FDXACB1: variants seen among roughly 807,000 people sequenced by gnomAD.
FDXACB1 encodes the protein ferredoxin-fold anticodon binding domain containing 1.
In FDXACB1, 41 loss-of-function variants were observed where a neutral mutation model predicts 51.7. That is an observed-to-expected ratio of 0.79 (90% CI 0.62 to 1.03). The LOEUF is 1.03. Among genes scored for constraint, FDXACB1 ranks in the 50% least tolerant of loss-of-function variants. The pLI, the probability that FDXACB1 is intolerant of heterozygous loss-of-function variation, is 0.00. For synonymous variants in FDXACB1, 273 were observed against 278.6 expected (o/e 0.98, Z 0.20); for missense variants, 697 against 746.4 (o/e 0.93, Z 0.77).
rs917160600 is a variant in FDXACB1, at chr11:111,874,216, T to G, written c.*706A>C. On this transcript the variant is annotated 3_prime_UTR_variant, in exon 5 of 5. Coordinates refer to ENST00000260257, the MANE Select transcript of FDXACB1 (RefSeq NM_138378.3). The stretch of plus-strand genomic sequence containing the variant: ...CCAAAAACTACTCTCATAAGGTGAT[T>G]TAATGAAATGATACAACAAAGTTAA... The G allele has an allele frequency of 6.6e-5, 10 of 152,286 alleles. No homozygotes were observed. The highest frequency in any genetic ancestry group is 2.4e-4 in the African/African-American group (10 of 41,556). 9.4% of individuals were successfully genotyped at this position (152,286 alleles called of 1,614,324 possible). A position where few individuals can be genotyped will look rare whatever the true frequency, so the allele number is the denominator to read the frequency against.
chr11:111,874,648 G>C lies in FDXACB1; in HGVS notation c.*274C>G, dbSNP rs1220043203. 2.3e-5 allele frequency: 7 copies of C among 307,980 alleles called. No homozygotes were observed. The highest frequency in any genetic ancestry group is 4.2e-5 in the Non-Finnish European group (7 of 167,258). 19.1% of individuals were successfully genotyped at this position (307,980 alleles called of 1,614,324 possible). On this transcript the variant is annotated 3_prime_UTR_variant, in exon 5 of 5. Transcript: ENST00000260257. ...CAGGTGCCTGTAGTCCCAGCTACTCGGGAGGCTGAGGCAGGAGAATGGCAT... is the reference window on the plus strand; with the variant it reads ...CAGGTGCCTGTAGTCCCAGCTACTCCGGAGGCTGAGGCAGGAGAATGGCAT...
In FDXACB1 at chr11:111,878,972, A is replaced by G. The variant is rs1964885877; in HGVS notation, c.161T>C (p.Leu54Pro). Reference sequence around the variant, plus strand: ...GGCGGGCTCGCTACCTCGCTCGCGCAGGCACTGCAGATTCTCCCAGGCCAG... The same window carrying G: ...GGCGGGCTCGCTACCTCGCTCGCGCGGGCACTGCAGATTCTCCCAGGCCAG... ...DPLAWENLQCLRERGIDVRFG... is the reference protein window; with the variant it reads ...DPLAWENLQCPRERGIDVRFG... The change falls in exon 1 of 5, where the codon CTG (leucine) becomes CCG (proline). Residue 54 changes from leucine (L) to proline (P), a missense_variant. Physicochemically the swap from Leu to Pro is moderately conservative, Grantham distance 98. Around this residue, in one of 3 missense-constraint regions of FDXACB1, gnomAD observed 153 missense variants for 133.5 expected, o/e 1.15. Transcript: ENST00000260257. 1.3e-6 allele frequency: 2 copies of G among 1,599,412 alleles called. No homozygotes were observed. Among genetic ancestry groups the G allele is most frequent in the South Asian group, 1.1e-5 (1 of 89,374 alleles).
intron 1 of FDXACB1, 90 bp downstream of exon 1, chr11:111,878,871 C>A (rs1268065088): frequency 1.0e-5 from 16 of 1,530,032 alleles, no homozygotes; most frequent in Non-Finnish European, 1.1e-5. Flanking sequence ...GAACAATCTC[C>A]ACGTGGGTTA....
In FDXACB1 at chr11:111,879,117, G is replaced by A; in HGVS notation, c.16C>T (p.Leu6Phe). Reference protein sequence around the residue: MAPRRLLLVGEGNFSF... With the variant: MAPRRFLLVGEGNFSF... The stretch of plus-strand genomic sequence containing the variant: ...AAATTCCCCTCCCCAACCAACAGGA[G>A]GCGCCGAGGGGCCATGGCCTCCACG... The change falls in exon 1 of 5, where the codon CTC (leucine) becomes TTC (phenylalanine). Residue 6 changes from leucine (L) to phenylalanine (F), a missense_variant. By Grantham distance (22) the Leu-to-Phe change is conservative. Around this residue, in one of 3 missense-constraint regions of FDXACB1, gnomAD observed 153 missense variants for 133.5 expected, o/e 1.15. Transcript: ENST00000260257. The A allele has an allele frequency of 6.2e-7, 1 of 1,612,348 alleles. No homozygotes were observed. The highest frequency in any genetic ancestry group is 1.1e-5 in the South Asian group (1 of 91,028).
rs782777581 is a variant in FDXACB1, at chr11:111,875,694, G to C, written c.1103C>G (p.Ser368Cys). 6 of 1,613,610 alleles carry C rather than the reference G, an allele frequency of 3.7e-6. No individual in the cohort carries two copies. Among genetic ancestry groups the C allele is most frequent in the Non-Finnish European group, 5.1e-6 (6 of 1,179,884 alleles). The change falls in exon 5 of 5, where the codon TCT becomes TGT. Residue 368 changes from serine to cysteine, a missense_variant. Coordinates refer to ENST00000260257, the MANE Select transcript of FDXACB1 (RefSeq NM_138378.3). ...GACAGGTCCACTGAGGATGTGCAGA[G>C]AACCTGAGAGGAAGTCTGGTACTTC... ...VIEVPDFLSG[S>C]LHILSGPVFQ...
Position 111,875,605 on chromosome 11 carries a change from C to A in FDXACB1, c.1192G>T (p.Gly398Trp). The change falls in exon 5 of 5, where the codon GGG becomes TGG. Residue 398 changes from glycine (G) to tryptophan (W), a missense_variant. Coordinates refer to ENST00000260257, the MANE Select transcript of FDXACB1 (RefSeq NM_138378.3). Reference protein sequence around the residue: ...PAFHETLFILGVNQNLKDGCL... With the variant: ...PAFHETLFILWVNQNLKDGCL... Reference sequence around the variant, plus strand: ...CCATCCTTCAGATTTTGATTAACCCCAAGGATAAATAAAGTTTCATGAAAT... The same window carrying A: ...CCATCCTTCAGATTTTGATTAACCCAAAGGATAAATAAAGTTTCATGAAAT... The A allele has an allele frequency of 6.2e-7, 1 of 1,612,368 alleles. No individual in the cohort carries two copies. The highest frequency in any genetic ancestry group is 8.5e-7 in the Non-Finnish European group (1 of 1,179,668).
At position 111,875,779 on chromosome 11, in the gene FDXACB1, A is replaced by G; in HGVS notation, c.1018T>C (p.Cys340Arg). Residue 340 changes from cysteine to arginine, a missense_variant, in exon 5 of 5, where the codon TGT becomes CGT. Physicochemically the swap from Cys to Arg is radical, Grantham distance 180. Around this residue, in one of 3 missense-constraint regions of FDXACB1, gnomAD observed 538 missense variants for 592.2 expected, o/e 0.91. Coordinates refer to ENST00000260257, the MANE Select transcript of FDXACB1 (RefSeq NM_138378.3). ...CTAAGGCAGATCTTGGCCTGGCCACAGGTTCCTTCACAAGCTTCTTCTTTA... is the reference window on the plus strand; with the variant it reads ...CTAAGGCAGATCTTGGCCTGGCCACGGGTTCCTTCACAAGCTTCTTCTTTA... ...DGKEEACEGT[C>R]GQAKICLRPS... The G allele has an allele frequency of 6.2e-7, 1 of 1,613,758 alleles. No homozygotes were observed. The highest frequency in any genetic ancestry group is 8.5e-7 in the Non-Finnish European group (1 of 1,179,888).
At position 111,879,042 on chromosome 11, in the gene FDXACB1, T is replaced by G. The variant is rs200945875; in HGVS notation, c.91A>C (p.Thr31Pro). ...SETLDQSTQLTATCLQRPAEL... is the reference protein window; with the variant it reads ...SETLDQSTQLPATCLQRPAEL... ...GCCGGGCGCTGGAGGCAGGTGGCGG[T>G]AAGTTGAGTGCTCTGATCCAGGGTT... The change falls in exon 1 of 5, where the codon ACC becomes CCC. Residue 31 changes from threonine to proline, a missense_variant. Physicochemically the swap from Thr to Pro is conservative, Grantham distance 38. Around this residue, in one of 3 missense-constraint regions of FDXACB1, gnomAD observed 153 missense variants for 133.5 expected, o/e 1.15. Transcript: ENST00000260257. The G allele has an allele frequency of 6.2e-7, 1 of 1,613,420 alleles. No individual in the cohort carries two copies. Among genetic ancestry groups the G allele is most frequent in the Non-Finnish European group, 8.5e-7 (1 of 1,179,766 alleles).
At position 111,875,950 on chromosome 11, in the gene FDXACB1, C is replaced by A; in HGVS notation, c.847G>T (p.Asp283Tyr). The change falls in exon 5 of 5, where the codon GAC becomes TAC. Residue 283 changes from aspartate to tyrosine, a missense_variant. This residue lies in a region of FDXACB1 where 538 missense variants were observed against 592.2 expected (regional missense o/e 0.91). Coordinates refer to ENST00000260257, the MANE Select transcript of FDXACB1 (RefSeq NM_138378.3). The part of the protein sequence containing the change: ...GTSVLPFWNC[D>Y]FLSAAFWISL... Reference sequence around the variant, plus strand: ...ATCCAAAAAGCAGCTGACAGAAAGTCACAATTCCAGAAAGGAAGAACACTG... The same window carrying A: ...ATCCAAAAAGCAGCTGACAGAAAGTAACAATTCCAGAAAGGAAGAACACTG... The A allele has an allele frequency of 6.2e-7, 1 of 1,613,954 alleles. No individual in the cohort carries two copies. Among genetic ancestry groups the A allele is most frequent in the Non-Finnish European group, 8.5e-7 (1 of 1,179,888 alleles).
rs374516075 is a variant in FDXACB1 at position 111,875,260 on chromosome 11, G to A, written c.1537C>T (p.Arg513Cys). 6.0e-5 allele frequency: 97 copies of A among 1,613,732 alleles called. 1 individual carries two copies. The South Asian group carries it at 9.0e-4, about 15-fold the overall frequency. The change falls in exon 5 of 5, where the codon CGT becomes TGT. Residue 513 changes from arginine (R) to cysteine (C), a missense_variant. This residue lies in a region of FDXACB1 where 538 missense variants were observed against 592.2 expected (regional missense o/e 0.91). Coordinates refer to ENST00000260257, the MANE Select transcript of FDXACB1 (RefSeq NM_138378.3). ...DWRMLWTFDN[R>C]FLKNFVPGKI... Reference sequence around the variant, plus strand: ...CCAGGGACAAAATTTTTCAGGAAACGGTTATCAAACGTCCACAACATTCTC... The same window carrying A: ...CCAGGGACAAAATTTTTCAGGAAACAGTTATCAAACGTCCACAACATTCTC...
In FDXACB1 at chr11:111,874,487, A is replaced by T. The variant is rs1283481638; in HGVS notation, c.*435T>A. The T allele has an allele frequency of 6.2e-6, 1 of 160,502 alleles. No homozygotes were observed. The highest frequency in any genetic ancestry group is 2.4e-5 in the African/African-American group (1 of 41,502). 9.9% of individuals were successfully genotyped at this position (160,502 alleles called of 1,614,324 possible). On this transcript the variant is annotated 3_prime_UTR_variant, in exon 5 of 5. Transcript: ENST00000260257. ...AACAGTAGGCCGGGCGCGGTGGCTCACATCTATAATCCCAGCACTTTGGGA... is the reference window on the plus strand; with the variant it reads ...AACAGTAGGCCGGGCGCGGTGGCTCTCATCTATAATCCCAGCACTTTGGGA...
In FDXACB1 at chr11:111,879,153, TC is replaced by T; in HGVS notation, c.-22del. 1 of 1,594,950 alleles carries T rather than the reference TC, an allele frequency of 6.3e-7. No homozygotes were observed. The highest frequency in any genetic ancestry group is 8.5e-7 in the Non-Finnish European group (1 of 1,170,448). On this transcript the variant is annotated 5_prime_UTR_variant, in exon 1 of 5. Transcript: ENST00000260257. Reference sequence around the variant, plus strand: ...GCCATGGCCTCCACGGACTCCCGGCTCGCGTTCTCTGTGGCGCTCGTTTTAC... The same window carrying T: ...GCCATGGCCTCCACGGACTCCCGGCTGCGTTCTCTGTGGCGCTCGTTTTAC...
At chr11:111,878,145 C>G (rs1964860260) in intron 2 of FDXACB1, among the ~76,000 whole-genome samples, 1 of 151,942 alleles carries the variant, frequency 6.6e-6, no homozygotes, top group African/African-American at 2.4e-5. Flanking sequence ...CGAGATTGCA[C>G]CACACCACTG....
In FDXACB1 at chr11:111,875,722, T is replaced by TG. The variant is rs781881926; in HGVS notation, c.1074dup (p.Ile359HisfsTer34). On this transcript the variant is annotated frameshift_variant, in exon 5 of 5. Coordinates refer to ENST00000260257, the MANE Select transcript of FDXACB1 (RefSeq NM_138378.3). LOFTEE classifies it high-confidence loss of function. The stretch of plus-strand genomic sequence containing the variant: ...CCTGAGAGGAAGTCTGGTACTTCGA[T>TG]GACATCCTGAACATGCACTAGGAGA... 6.2e-7 allele frequency: 1 copy of TG among 1,613,668 alleles called. No individual in the cohort carries two copies.
At chr11:111,877,708 G>T (rs1964847799) in intron 2 of FDXACB1, among the ~76,000 whole-genome samples, 1 of 151,120 alleles carries the variant, frequency 6.6e-6, no homozygotes, top group African/African-American at 2.4e-5. Flanking sequence ...GTAGAGGCGG[G>T]GTTTTGCCAC....
At chr11:111,877,706 G>A (rs111335057) in intron 2 of FDXACB1, among the ~76,000 whole-genome samples, 39 of 151,312 alleles carry the variant, frequency 2.6e-4, no homozygotes, top group African/African-American at 8.5e-4. Flanking sequence ...TAGTAGAGGC[G>A]GGGTTTTGCC....
chr11:111,876,759 A>C, intron 3 of FDXACB1, 49 bp downstream of exon 3: 7 of 1,598,348 alleles, frequency 4.4e-6, no homozygotes, highest in Non-Finnish European at 6.0e-6. Flanking sequence ...TGTTATCATT[A>C]GTGAGAGAGA....
chr11:111,878,631 T>C lies in FDXACB1; in HGVS notation c.254A>G (p.Tyr85Cys). 1 of 1,606,704 alleles carries C rather than the reference T, an allele frequency of 6.2e-7. No homozygotes were observed. Among genetic ancestry groups the C allele is most frequent in the African/African-American group, 1.3e-5 (1 of 74,908 alleles). ...ELHEREFDQI[Y>C]FIFPHCGRKA... ...GCGTCCACAATGCGGGAAGATGAAA[T>C]AAATTTGATCAAATTCTCTCTCGTG... Residue 85 changes from tyrosine (Y) to cysteine (C), a missense_variant, in exon 2 of 5, where the codon TAT becomes TGT. Tyr to Cys is a radical substitution (Grantham distance 194). Around this residue, in one of 3 missense-constraint regions of FDXACB1, gnomAD observed 153 missense variants for 133.5 expected, o/e 1.15. Transcript: ENST00000260257.
chr11:111,878,486 A>T, intron 2 of FDXACB1, 70 bp downstream of exon 2: 5 of 1,468,004 alleles, frequency 3.4e-6, no homozygotes, highest in East Asian at 2.5e-5. Context: ...CGTGTGCCTT[A>T]TGTTTGGGTA....
Sources: allele counts gnomAD v4.1 joint callset (sites outside exome capture counted in the v4.1 genomes callset), GRCh38; gene constraint gnomAD v4.1.1; regional missense constraint gnomAD v4.1.1; transcripts MANE v1.5; gene names NCBI Gene and HGNC (gene_info 2026-07-23, HGNC 2026-07-21).